The following NDUFAF2 variants were observed in gnomAD, a reference collection of about 807,000 sequenced individuals.
The protein encoded by NDUFAF2 is NADH:ubiquinone oxidoreductase complex assembly factor 2.
NDUFAF2 carries 13 observed loss-of-function variants against 22.8 expected under a neutral mutation model. That is an observed-to-expected ratio of 0.57 (90% CI 0.37 to 0.91). The LOEUF (loss-of-function observed/expected upper bound fraction) is 0.91. Among genes scored for constraint, NDUFAF2 ranks in the 40% least tolerant of loss-of-function variants. The pLI is 0.01. For missense variants in NDUFAF2, 162 were observed against 195.2 expected (o/e 0.83, Z 1.01); for synonymous variants, 53 against 64.2 (o/e 0.83, Z 0.84).
At chr5:61,030,636 G>A (rs1457933210) in intron 1 of NDUFAF2, among the ~76,000 whole-genome samples, 1 of 151,774 alleles carries the variant, frequency 6.6e-6, no homozygotes, top group Admixed American at 6.6e-5. Flanking sequence ...TTAAAAGTGT[G>A]AAGTCAATCT....
At chr5:61,027,918 CT>C (rs1347242214) in intron 1 of NDUFAF2, among the ~76,000 whole-genome samples, 1 of 151,948 alleles carries the variant, frequency 6.6e-6, no homozygotes, top group Non-Finnish European at 1.5e-5. Flanking sequence ...TATTTATTGA[CT>C]GCCATCTTTG....
intron 1 of NDUFAF2, among the ~76,000 whole-genome samples, chr5:61,053,268 G>A (rs1364965480): frequency 3.3e-5 from 5 of 152,150 alleles, no homozygotes; most frequent in South Asian, 4.1e-4. Context: ...TTTAAACTAC[G>A]TAGTTTTTTA....
intron 2 of NDUFAF2, among the ~76,000 whole-genome samples, chr5:61,098,731 C>T (rs961061521): frequency 2.0e-5 from 3 of 152,044 alleles, no homozygotes; most frequent in African/African-American, 7.2e-5. Flanking sequence ...TGAAACTGTC[C>T]CCTCTTTATC....
chr5:60,982,849 G>T (rs572974447), intron 1 of NDUFAF2, among the ~76,000 whole-genome samples: 3 of 152,084 alleles, frequency 2.0e-5, no homozygotes, highest in African/African-American at 2.4e-5. Flanking sequence ...GAATAGTGCC[G>T]CAATAAACAT....
chr5:60,987,557 C>T (rs995403078), intron 1 of NDUFAF2, among the ~76,000 whole-genome samples: 2 of 152,138 alleles, frequency 1.3e-5, no homozygotes, highest in Non-Finnish European at 2.9e-5. Flanking sequence ...AAATCCAATC[C>T]AGCAGCATAT....
At chr5:61,142,372 A>G (rs1741072503) in intron 3 of NDUFAF2, among the ~76,000 whole-genome samples, 1 of 152,206 alleles carries the variant, frequency 6.6e-6, no homozygotes, top group African/African-American at 2.4e-5. Flanking sequence ...AGGTTCAAAG[A>G]AAGAAAACTT....
chr5:61,053,034 C>A (rs1338888479), intron 1 of NDUFAF2, among the ~76,000 whole-genome samples: 1 of 152,194 alleles, frequency 6.6e-6, no homozygotes, highest in East Asian at 1.9e-4. Context: ...TGAGTCACTT[C>A]ATTGGCATGA....
chr5:60,964,436 T>A (rs1750728477), intron 1 of NDUFAF2, among the ~76,000 whole-genome samples: 1 of 151,900 alleles, frequency 6.6e-6, no homozygotes, highest in African/African-American at 2.4e-5. Flanking sequence ...TCTTAGCACT[T>A]ACAAAGTGTA....
intron 3 of NDUFAF2, among the ~76,000 whole-genome samples, chr5:61,148,548 T>C (rs935418857): frequency 7.2e-5 from 11 of 152,236 alleles, no homozygotes; most frequent in African/African-American, 2.2e-4. Flanking sequence ...CACTGCCCAG[T>C]AGCCAGTTCT....
chr5:61,138,917 A>G (rs1398765596), intron 3 of NDUFAF2, among the ~76,000 whole-genome samples: 1 of 152,218 alleles, frequency 6.6e-6, no homozygotes, highest in East Asian at 1.9e-4. Flanking sequence ...TTTGTTAGAC[A>G]TCCACCTCCA....
At chr5:61,140,182 G>A (rs548920486) in intron 3 of NDUFAF2, among the ~76,000 whole-genome samples, 2 of 152,384 alleles carry the variant, frequency 1.3e-5, no homozygotes, top group Non-Finnish European at 2.9e-5. Flanking sequence ...TCCTCAGCTT[G>A]CAAAGTGTCA....
chr5:61,019,270 A>G (rs1751549054), intron 1 of NDUFAF2, among the ~76,000 whole-genome samples: 1 of 152,040 alleles, frequency 6.6e-6, no homozygotes, highest in Admixed American at 6.5e-5. Context: ...CCATCATCAT[A>G]GTGTTATTTT....
chr5:60,999,888 T>C (rs748066539), intron 1 of NDUFAF2, among the ~76,000 whole-genome samples: 5 of 152,136 alleles, frequency 3.3e-5, no homozygotes, highest in African/African-American at 4.8e-5. Flanking sequence ...TATTTTGCTT[T>C]GTTGCATGAT....
intron 1 of NDUFAF2, among the ~76,000 whole-genome samples, chr5:61,072,250 C>T (rs991991716): frequency 2.6e-5 from 4 of 152,220 alleles, no homozygotes; most frequent in African/African-American, 7.2e-5. Flanking sequence ...CTACCATAGC[C>T]ATAACCAAAC....
chr5:60,976,661 G>A (rs1750906377), intron 1 of NDUFAF2, among the ~76,000 whole-genome samples: 1 of 152,126 alleles, frequency 6.6e-6, no homozygotes, highest in Non-Finnish European at 1.5e-5. Flanking sequence ...AAGCTTAAAA[G>A]ATTTTCTTGT....
At chr5:60,957,502 T>TA (rs147784974) in intron 1 of NDUFAF2, among the ~76,000 whole-genome samples, 3,635 of 59,808 alleles carry the variant, frequency 0.061, 61 homozygotes, top group Non-Finnish European at 0.096. Flanking sequence ...CTGTTTACTT[T>TA]TTTTTTTTTT....
At chr5:61,048,563 T>G (rs1751984190) in intron 1 of NDUFAF2, among the ~76,000 whole-genome samples, 1 of 152,120 alleles carries the variant, frequency 6.6e-6, no homozygotes, top group African/African-American at 2.4e-5. Context: ...AAGTGTGTAA[T>G]GATTTGCATT....
intron 3 of NDUFAF2, among the ~76,000 whole-genome samples, chr5:61,113,817 T>G (rs1452791381): frequency 4.5e-5 from 1 of 22,076 alleles, no homozygotes; most frequent in African/African-American, 1.0e-4. Context: ...AGGATTAAAG[T>G]TTTTTTTTTT....
In NDUFAF2 at chr5:60,990,800, T is replaced by C. The variant is rs115889029; in HGVS notation, c.127+45418T>C. Among the ~76,000 whole-genome samples the C allele has an allele frequency of 8.3e-3, 1,259 of 152,290 alleles. 14 individuals are homozygous for C. The highest frequency in any genetic ancestry group is 0.029 in the African/African-American group (1,202 of 41,578). On this transcript the variant is annotated intron_variant, in intron 1 of 3. Coordinates refer to ENST00000296597, the MANE Select transcript of NDUFAF2 (RefSeq NM_174889.5). ...AAATCATTATCATTAAAATTTTTAA[T>C]TTTGTGTATTTCTAGGTGTGTGTGT...
Sources: gnomAD v4.1 joint callset for allele counts (sites outside exome capture counted in the v4.1 genomes callset) on GRCh38, gnomAD v4.1.1 for gene constraint, MANE v1.5 for transcripts, NCBI Gene and HGNC (gene_info 2026-07-23, HGNC 2026-07-21) for gene names.